Variants in DIAPH2 observed in about 807,000 individuals in gnomAD.
DIAPH2 encodes protein diaphanous homolog 2.
Under a neutral mutation model 92.7 loss-of-function variants are expected in DIAPH2, and 35 were observed. The ratio of observed to expected loss-of-function variants is 0.38; its 90% CI spans 0.29 to 0.50. The LOEUF (loss-of-function observed/expected upper bound fraction) is 0.50, where lower values mean the gene tolerates loss of function less well. Among genes scored for constraint, DIAPH2 ranks in the 20% least tolerant of loss-of-function variants. The pLI is 0.94. For synonymous variants in DIAPH2, 301 were observed against 280.4 expected (o/e 1.07, Z -0.73); for missense variants, 701 against 819.5 (o/e 0.86, Z 1.77).
At chrX:96,960,353 A>G (rs888450765) in intron 16 of DIAPH2, among the ~76,000 whole-genome samples, 3 of 107,953 alleles carry the variant, frequency 2.8e-5, no homozygotes. Context: ...TAGGTTTTTT[A>G]TTTTTTTGTA....
intron 4 of DIAPH2, among the ~76,000 whole-genome samples, chrX:96,807,498 T>G (rs1294769828): frequency 3.6e-5 from 4 of 111,209 alleles, no homozygotes; most frequent in African/African-American, 1.3e-4. Context: ...CTTATTTGGA[T>G]CATTCAAATG....
At chrX:96,916,827 G>C (rs775108601) in intron 8 of DIAPH2, among the ~76,000 whole-genome samples, 2 of 111,283 alleles carry the variant, frequency 1.8e-5, no homozygotes, top group Non-Finnish European at 3.8e-5. Context: ...GCAGAATTTT[G>C]TTTTGCTGGA....
chrX:97,092,340 A>G (rs1451405434), intron 19 of DIAPH2, among the ~76,000 whole-genome samples: 1 of 112,954 alleles, frequency 8.9e-6, no homozygotes, highest in Non-Finnish European at 1.9e-5. Context: ...GCAGAAGTCT[A>G]TTCTAAAGTA....
At chrX:96,704,530 C>T (rs1224773181) in intron 1 of DIAPH2, among the ~76,000 whole-genome samples, 1 of 111,740 alleles carries the variant, frequency 8.9e-6, no homozygotes, top group Non-Finnish European at 1.9e-5. Flanking sequence ...GTGCTGGGAA[C>T]AATCTTCTGA....
intron 25 of DIAPH2, among the ~76,000 whole-genome samples, chrX:97,411,490 T>G (rs1481543437): frequency 9.0e-6 from 1 of 111,692 alleles, no homozygotes; most frequent in Non-Finnish European, 1.9e-5. Context: ...AGAAACTGCA[T>G]CAACTAACAG....
chrX:96,954,503 C>T (rs2065797345), intron 15 of DIAPH2, among the ~76,000 whole-genome samples: 1 of 112,156 alleles, frequency 8.9e-6, no homozygotes, highest in African/African-American at 3.2e-5. Flanking sequence ...ATATCCTCCT[C>T]ATAATCCTAT....
At chrX:97,055,315 T>G (rs1331455869) in intron 17 of DIAPH2, among the ~76,000 whole-genome samples, 1 of 111,370 alleles carries the variant, frequency 9.0e-6, no homozygotes, top group Non-Finnish European at 1.9e-5. Flanking sequence ...CAATAATTAT[T>G]GAGGGCTCTA....
At chrX:96,813,757 G>A (rs1001673135) in intron 4 of DIAPH2, among the ~76,000 whole-genome samples, 3 of 111,679 alleles carry the variant, frequency 2.7e-5, no homozygotes, top group African/African-American at 9.8e-5. Context: ...TGTCTGTAAA[G>A]GATTTTATTT....
chrX:96,857,145 C>T (rs964186077), intron 4 of DIAPH2, among the ~76,000 whole-genome samples: 1 of 111,397 alleles, frequency 9.0e-6, no homozygotes, highest in African/African-American at 3.3e-5. Context: ...CGTAAAATAT[C>T]CTTCTGAATT....
intron 22 of DIAPH2, among the ~76,000 whole-genome samples, chrX:97,212,777 C>T (rs781714935): frequency 1.8e-5 from 2 of 110,150 alleles, no homozygotes; most frequent in Non-Finnish European, 3.8e-5. Flanking sequence ...CATAAAATAA[C>T]TGTAATTGTC....
chrX:97,270,080 G>A (rs996435928), intron 23 of DIAPH2, among the ~76,000 whole-genome samples: 15 of 110,929 alleles, frequency 1.4e-4, no homozygotes, highest in Admixed American at 1.2e-3. Flanking sequence ...ATAGGCACCC[G>A]CCACCATGCC....
intron 22 of DIAPH2, among the ~76,000 whole-genome samples, chrX:97,162,280 G>T (rs1228644028): frequency 9.0e-6 from 1 of 111,007 alleles, no homozygotes; most frequent in Non-Finnish European, 1.9e-5. Context: ...TCATTTCTCT[G>T]CCACTTACTA....
chrX:97,370,742 A>G (rs1423570898), intron 24 of DIAPH2, among the ~76,000 whole-genome samples: 5 of 111,959 alleles, frequency 4.5e-5, no homozygotes, highest in Non-Finnish European at 7.5e-5. Context: ...GCCAAGTTTT[A>G]TCAATAAGAT....
chrX:97,303,445 A>G (rs1388719160), intron 23 of DIAPH2, among the ~76,000 whole-genome samples: 5 of 111,997 alleles, frequency 4.5e-5, no homozygotes, highest in Non-Finnish European at 7.5e-5. Flanking sequence ...CTATTCAGGA[A>G]TTGTTTCACA....
intron 1 of DIAPH2, among the ~76,000 whole-genome samples, chrX:96,714,267 T>G (rs866412962): frequency 1.4e-4 from 14 of 101,312 alleles, no homozygotes; most frequent in East Asian, 9.2e-4. Context: ...GTGTGTGTGT[T>G]TTTTTTTTTT....
intron 4 of DIAPH2, among the ~76,000 whole-genome samples, chrX:96,812,927 T>A (rs766347714): frequency 1.8e-5 from 2 of 111,391 alleles, no homozygotes; most frequent in Admixed American, 9.6e-5. Flanking sequence ...TGCTGAGGAG[T>A]GCTTTACTTC....
Position 96,880,189 on chromosome X carries a change from T to C in DIAPH2, c.448-1390T>C, listed in dbSNP as rs147499804. Among the ~76,000 whole-genome samples, 455 of 111,758 alleles carry C rather than the reference T, an allele frequency of 4.1e-3. 2 individuals carry two copies. The highest frequency in any genetic ancestry group is 7.3e-3 in the Non-Finnish European group (389 of 53,190). Reference sequence around the variant, plus strand: ...AATAATAACACACTTTTATTGAAGCTCACTAAATTCATGACCGGTGTTAGT... The same window carrying C: ...AATAATAACACACTTTTATTGAAGCCCACTAAATTCATGACCGGTGTTAGT... On this transcript the variant is annotated intron_variant, in intron 4 of 26. Transcript: ENST00000324765.
chrX:96,744,811 A>G (rs747287080), intron 3 of DIAPH2, among the ~76,000 whole-genome samples: 1 of 111,559 alleles, frequency 9.0e-6, no homozygotes, highest in South Asian at 3.8e-4. Context: ...TTCCTTGTAC[A>G]AATAACGTAA....
At chrX:96,802,984 C>G (rs770330571) in intron 4 of DIAPH2, among the ~76,000 whole-genome samples, 1 of 111,090 alleles carries the variant, frequency 9.0e-6, no homozygotes, top group Non-Finnish European at 1.9e-5. Flanking sequence ...AGATGATGGC[C>G]GGACGACTCC....
Sources: allele counts gnomAD v4.1 joint callset (sites outside exome capture counted in the v4.1 genomes callset), GRCh38; gene constraint gnomAD v4.1.1; transcripts MANE v1.5; gene names NCBI Gene and HGNC (gene_info 2026-07-23, HGNC 2026-07-21).